Variants in RUFY3 observed in about 807,000 individuals in gnomAD.
RUFY3 encodes protein RUFY3.
In RUFY3, 34 loss-of-function variants were observed where a neutral mutation model predicts 84.0. That is an observed-to-expected ratio of 0.40 (90% CI 0.31 to 0.54). The LOEUF (loss-of-function observed/expected upper bound fraction) is 0.54, where lower values mean the gene tolerates loss of function less well. Ranked by LOEUF, RUFY3 falls within the 20% of genes least tolerant of loss-of-function variation. The pLI is 0.39. For synonymous variants in RUFY3, 242 were observed against 252.9 expected, an observed-to-expected ratio of 0.96 and a Z score of 0.41; for missense variants, 507 against 736.8, an observed-to-expected ratio of 0.69 and a Z score of 3.61.
chr4:70,783,036 T>TA (rs754908922), intron 8 of RUFY3, 55 bp from the exon 9 acceptor site: 30 of 1,066,086 alleles, frequency 2.8e-5, no homozygotes, highest in Non-Finnish European at 3.7e-5. Context: ...TGAATTATCT[T>TA]ATACTATGTT....
At chr4:70,732,314 C>A (rs1435082818) in intron 1 of RUFY3, among the ~76,000 whole-genome samples, 1 of 152,150 alleles carries the variant, frequency 6.6e-6, no homozygotes, top group East Asian at 1.9e-4. Flanking sequence ...TTTTCTTTGG[C>A]GTTCTTCAGA....
intron 8 of RUFY3, among the ~76,000 whole-genome samples, chr4:70,780,654 T>C (rs1189738815): frequency 3.3e-5 from 5 of 152,234 alleles, no homozygotes; most frequent in Admixed American, 3.3e-4. Context: ...TTTATTTATC[T>C]ATAACATGGA....
chr4:70,756,986 A>G (rs1560502609), intron 1 of RUFY3, among the ~76,000 whole-genome samples: 1 of 152,164 alleles, frequency 6.6e-6, no homozygotes, highest in Non-Finnish European at 1.5e-5. Flanking sequence ...AATTTTTTTA[A>G]TTAGCTGGGC....
intron 13 of RUFY3, among the ~76,000 whole-genome samples, chr4:70,794,350 G>A (rs993815088): frequency 2.0e-5 from 3 of 152,144 alleles, no homozygotes; most frequent in Admixed American, 6.5e-5. Flanking sequence ...GGAGGCCAAG[G>A]CAGGTGTATC....
In RUFY3 at chr4:70,776,374, A is replaced by T. The variant is rs189891595; in HGVS notation, c.824+1141A>T. Among the ~76,000 whole-genome samples the T allele has an allele frequency of 1.2e-3, 184 of 152,266 alleles. 1 individual carries two copies. The highest frequency in any genetic ancestry group is 4.3e-3 in the African/African-American group (179 of 41,552). On this transcript the variant is annotated intron_variant, in intron 7 of 17. Transcript: ENST00000381006. ...TGAACTTCTTCTTCCTAGTTTTCTC[A>T]GGTTTTTTTCCCCCTTCAGTTTTCT...
intron 4 of RUFY3, among the ~76,000 whole-genome samples, chr4:70,767,681 A>T (rs1052200032): frequency 6.6e-6 from 1 of 151,194 alleles, no homozygotes; most frequent in South Asian, 2.1e-4. Flanking sequence ...ATGGGTCTTC[A>T]CGAATTTTTT....
At chr4:70,752,651 C>T (rs1031088945) in intron 1 of RUFY3, among the ~76,000 whole-genome samples, 1 of 152,158 alleles carries the variant, frequency 6.6e-6, no homozygotes, top group African/African-American at 2.4e-5. Context: ...AGTACTTTGT[C>T]TGCTTCTAAT....
rs1553925747 is a variant in RUFY3 at position 70,807,898 on chromosome 4, C to CTGAT, written c.*1240_*1243dup. Among the ~76,000 whole-genome samples, 4 of 152,094 alleles carry CTGAT rather than the reference C, an allele frequency of 2.6e-5. No homozygotes were observed. Among genetic ancestry groups the CTGAT allele is most frequent in the African/African-American group, 4.8e-5 (2 of 41,414 alleles). ...ATTCTGAGTGAGTCACGAATGAGAG[C>CTGAT]TGATAGATGCTTTCTTGAAAAGGGC... On this transcript the variant is annotated 3_prime_UTR_variant, in exon 18 of 18. Transcript: ENST00000381006.
intron 10 of RUFY3, among the ~76,000 whole-genome samples, chr4:70,787,209 TATATA>T (rs1210500912): frequency 8.0e-4 from 107 of 133,948 alleles, no homozygotes; most frequent in African/African-American, 2.9e-3. Context: ...TATATATATA[TATATA>T]AAAACAAATT....
intron 1 of RUFY3, among the ~76,000 whole-genome samples, chr4:70,728,103 T>C (rs951772583): frequency 6.6e-6 from 1 of 152,192 alleles, no homozygotes; most frequent in Non-Finnish European, 1.5e-5. Flanking sequence ...GAGAAACTCA[T>C]CCTAAGTTGA....
chr4:70,729,390 G>A (rs1718834553), intron 1 of RUFY3, among the ~76,000 whole-genome samples: 1 of 152,080 alleles, frequency 6.6e-6, no homozygotes, highest in Non-Finnish European at 1.5e-5. Flanking sequence ...CTGAGTAGCT[G>A]GGATTACAGG....
intron 12 of RUFY3, chr4:70,791,505 G>T (rs1484520634): frequency 7.3e-6 from 10 of 1,369,892 alleles, no homozygotes; most frequent in Non-Finnish European, 9.4e-6. Flanking sequence ...AGAAAAATTG[G>T]TATAAGTTCC....
At chr4:70,727,993 T>G (rs1054108450) in intron 1 of RUFY3, among the ~76,000 whole-genome samples, 3 of 152,116 alleles carry the variant, frequency 2.0e-5, no homozygotes, top group Non-Finnish European at 4.4e-5. Flanking sequence ...TAATAAAAAT[T>G]TTTACACTTT....
intron 1 of RUFY3, among the ~76,000 whole-genome samples, chr4:70,744,720 T>C (rs1001864626): frequency 1.3e-5 from 2 of 151,072 alleles, no homozygotes; most frequent in South Asian, 2.1e-4. Context: ...AATGCTATGA[T>C]ATCAGCTCAC....
At chr4:70,737,908 A>G (rs1720623913) in intron 1 of RUFY3, among the ~76,000 whole-genome samples, 1 of 151,542 alleles carries the variant, frequency 6.6e-6, no homozygotes, top group African/African-American at 2.4e-5. Context: ...CCTGACTTCA[A>G]GTGATCTGCC....
At chr4:70,793,631 A>T in intron 12 of RUFY3, 154 bp from the exon 13 acceptor site, 1 of 1,492,420 alleles carries the variant, frequency 6.7e-7, no homozygotes, top group Non-Finnish European at 8.9e-7. Flanking sequence ...TTTCCCCCCC[A>T]TAATTTCTTC....
intron 17 of RUFY3, among the ~76,000 whole-genome samples, chr4:70,805,204 C>T (rs1421425715): frequency 6.6e-6 from 1 of 152,210 alleles, no homozygotes; most frequent in Non-Finnish European, 1.5e-5. Context: ...CTCCAAAGTC[C>T]ACAGTCCTTT....
chr4:70,735,839 T>G (rs1720183159), intron 1 of RUFY3, among the ~76,000 whole-genome samples: 1 of 152,046 alleles, frequency 6.6e-6, no homozygotes, highest in African/African-American at 2.4e-5. Context: ...CTACAAAATA[T>G]TAGCCGGGCA....
At chr4:70,707,863 G>A (rs1473418792) in intron 1 of RUFY3, among the ~76,000 whole-genome samples, 1 of 152,182 alleles carries the variant, frequency 6.6e-6, no homozygotes, top group East Asian at 1.9e-4. Flanking sequence ...CTCTAGATAT[G>A]AATAAAAAGT....
Sources: gnomAD v4.1 joint callset for allele counts (sites outside exome capture counted in the v4.1 genomes callset) on GRCh38, gnomAD v4.1.1 for gene constraint, MANE v1.5 for transcripts, NCBI Gene and HGNC (gene_info 2026-07-23, HGNC 2026-07-21) for gene names.